Variants in CNTN5 observed in about 807,000 individuals in gnomAD.
CNTN5 encodes contactin-5.
Under a neutral mutation model 129.1 loss-of-function variants are expected in CNTN5, and 77 were observed. The ratio of observed to expected loss-of-function variants is 0.60; its 90% CI spans 0.50 to 0.72. The LOEUF (loss-of-function observed/expected upper bound fraction) is 0.72, where lower values mean the gene tolerates loss of function less well. Among genes scored for constraint, CNTN5 ranks in the 30% least tolerant of loss-of-function variants. CNTN5 has a pLI of 0.00. For synonymous variants in CNTN5, 509 were observed against 465.6 expected, an observed-to-expected ratio of 1.09 and a Z score of -1.20; for missense variants, 1,478 against 1,328.8, an observed-to-expected ratio of 1.11 and a Z score of -1.75.
chr11:100,169,067 G>A (rs1337177749), intron 13 of CNTN5, among the ~76,000 whole-genome samples: 2 of 151,934 alleles, frequency 1.3e-5, no homozygotes, highest in Non-Finnish European at 2.9e-5. Context: ...AAAAGTTGAA[G>A]GGATGAGGAG....
At chr11:100,162,742 G>A (rs1303155894) in intron 13 of CNTN5, among the ~76,000 whole-genome samples, 2 of 151,954 alleles carry the variant, frequency 1.3e-5, no homozygotes, top group African/African-American at 4.8e-5. Flanking sequence ...TCTCTTGTTT[G>A]CTAATGGTGC....
At chr11:99,816,083 A>G (rs1946577113) in intron 3 of CNTN5, among the ~76,000 whole-genome samples, 4 of 152,158 alleles carry the variant, frequency 2.6e-5, no homozygotes, top group Admixed American at 2.6e-4. Context: ...AACTATTAAT[A>G]GACTATAGCT....
chr11:100,224,970 T>A (rs1346107865), intron 16 of CNTN5, 158 bp downstream of exon 16: 13 of 662,916 alleles, frequency 2.0e-5, no homozygotes, highest in Non-Finnish European at 2.5e-5. Context: ...TTTGAAAAAA[T>A]TACATGGAAA....
chr11:99,036,550 A>C (rs1461713569), intron 1 of CNTN5, among the ~76,000 whole-genome samples: 1 of 152,216 alleles, frequency 6.6e-6, no homozygotes, highest in African/African-American at 2.4e-5. Context: ...ATAAATATGA[A>C]ATTAAAATTC....
Position 100,291,858 on chromosome 11 carries a change from A to G in CNTN5, c.2315-5767A>G, listed in dbSNP as rs531236830. On this transcript the variant is annotated intron_variant, in intron 18 of 24. Coordinates refer to ENST00000524871, the MANE Select transcript of CNTN5 (RefSeq NM_014361.4). The stretch of plus-strand genomic sequence containing the variant: ...TCTACATTTGAAAACTCAAACGCCA[A>G]TAAATAGCTGTAGAGGTTAAAACAA... Among the ~76,000 whole-genome samples, 45 of 151,684 alleles carry G rather than the reference A, an allele frequency of 3.0e-4. No individual in the cohort carries two copies. In the East Asian group the frequency reaches 7.5e-3, roughly 25 times the overall value.
At chr11:99,424,985 T>C (rs990854260) in intron 2 of CNTN5, among the ~76,000 whole-genome samples, 1 of 152,122 alleles carries the variant, frequency 6.6e-6, no homozygotes, top group African/African-American at 2.4e-5. Context: ...AGTGTACAAC[T>C]CTTAGCAGAG....
chr11:99,186,761 G>A (rs1179156273), intron 1 of CNTN5, among the ~76,000 whole-genome samples: 2 of 151,940 alleles, frequency 1.3e-5, no homozygotes, highest in African/African-American at 4.8e-5. Context: ...CAGAGGGAAG[G>A]CAAGAGATCA....
intron 9 of CNTN5, among the ~76,000 whole-genome samples, chr11:100,009,152 A>T (rs1030458025): frequency 1.3e-5 from 2 of 152,148 alleles, no homozygotes; most frequent in African/African-American, 4.8e-5. Context: ...CTAAAAAGCC[A>T]TAAGCTGCAA....
chr11:99,071,743 T>C (rs748159039), intron 1 of CNTN5, among the ~76,000 whole-genome samples: 35 of 152,150 alleles, frequency 2.3e-4, no homozygotes, highest in Non-Finnish European at 3.7e-4. Flanking sequence ...AACTTTTCAG[T>C]ATGTTAAGTG....
chr11:99,212,301 C>T (rs1349102750), intron 1 of CNTN5, among the ~76,000 whole-genome samples: 1 of 152,188 alleles, frequency 6.6e-6, no homozygotes, highest in Admixed American at 6.5e-5. Context: ...CCAATCTCCC[C>T]TGAGTCCAGA....
intron 2 of CNTN5, among the ~76,000 whole-genome samples, chr11:99,491,048 G>A (rs1000787512): frequency 1.1e-4 from 16 of 152,046 alleles, no homozygotes; most frequent in African/African-American, 2.4e-4. Context: ...AGCACAGCAC[G>A]GATACACTAC....
intron 2 of CNTN5, among the ~76,000 whole-genome samples, chr11:99,547,809 G>T (rs1257348318): frequency 1.3e-5 from 2 of 151,990 alleles, no homozygotes; most frequent in African/African-American, 4.8e-5. Context: ...CCACATTTTT[G>T]ACTCATTATT....
chr11:99,223,126 C>T (rs1461685), intron 1 of CNTN5, among the ~76,000 whole-genome samples: 151,162 of 152,254 alleles, frequency 0.99, 75,042 homozygotes, highest in East Asian at 1. Flanking sequence ...CAGACCTTGT[C>T]GATAGCAAAG....
chr11:100,087,947 C>T (rs1197878322), intron 13 of CNTN5, among the ~76,000 whole-genome samples: 1 of 151,468 alleles, frequency 6.6e-6, no homozygotes, highest in Admixed American at 6.6e-5. Flanking sequence ...AAATTAATAC[C>T]AAGAAGACCT....
At chr11:99,259,103 C>T (rs1306864229) in intron 1 of CNTN5, among the ~76,000 whole-genome samples, 3 of 151,774 alleles carry the variant, frequency 2.0e-5, no homozygotes, top group Non-Finnish European at 4.4e-5. Flanking sequence ...GAATAACATA[C>T]ACACATAATA....
chr11:99,529,504 T>A (rs1591225678), intron 2 of CNTN5, among the ~76,000 whole-genome samples: 1 of 152,186 alleles, frequency 6.6e-6, no homozygotes, highest in Non-Finnish European at 1.5e-5. Flanking sequence ...TGTTAGGGAT[T>A]TTGAACTGTA....
chr11:99,261,731 G>T (rs1862638099), intron 1 of CNTN5, among the ~76,000 whole-genome samples: 1 of 151,972 alleles, frequency 6.6e-6, no homozygotes, highest in African/African-American at 2.4e-5. Context: ...GATAGGTAAG[G>T]TGATAGGTGT....
At chr11:99,788,382 G>C (rs1301463536) in intron 3 of CNTN5, among the ~76,000 whole-genome samples, 1 of 151,898 alleles carries the variant, frequency 6.6e-6, no homozygotes, top group Non-Finnish European at 1.5e-5. Context: ...GTAGCTCTTA[G>C]AGGTGAACAC....
chr11:99,565,401 A>C (rs1948970580), intron 3 of CNTN5, among the ~76,000 whole-genome samples: 1 of 152,218 alleles, frequency 6.6e-6, no homozygotes. Context: ...ATGCCCAGAT[A>C]GACTTTTCAT....
Sources: allele counts gnomAD v4.1 joint callset (sites outside exome capture counted in the v4.1 genomes callset), GRCh38; gene constraint gnomAD v4.1.1; transcripts MANE v1.5; gene names NCBI Gene and HGNC (gene_info 2026-07-23, HGNC 2026-07-21).